BORCS8: variants seen among roughly 807,000 people sequenced by gnomAD.
BORCS8 encodes BLOC-1 related complex subunit 8.
BORCS8 carries 13 observed loss-of-function variants against 18.7 expected under a neutral mutation model. That is an observed-to-expected ratio of 0.70 (90% CI 0.45 to 1.11). BORCS8 has a LOEUF of 1.11. Ranked by LOEUF, BORCS8 falls within the 50% of genes least tolerant of loss-of-function variation. BORCS8 has a pLI of 0.00. For missense variants in BORCS8, 165 were observed against 165.7 expected, an observed-to-expected ratio of 1.00 and a Z score of 0.02; for synonymous variants, 68 against 64.8, an observed-to-expected ratio of 1.05 and a Z score of -0.24.
intron 3 of BORCS8, among the ~76,000 whole-genome samples, chr19:19,184,490 G>C (rs1363722362): frequency 2.6e-5 from 4 of 151,916 alleles, no homozygotes; most frequent in Non-Finnish European, 5.9e-5. Context: ...TTTTAGTAAA[G>C]ACGCGGTTTC....
At chr19:19,185,528 A>G (rs901647163) in intron 3 of BORCS8, among the ~76,000 whole-genome samples, 1 of 152,196 alleles carries the variant, frequency 6.6e-6, no homozygotes, top group Admixed American at 6.5e-5. Flanking sequence ...TCTGCTAAAA[A>G]TACAAAAATT....
chr19:19,189,484 G>A (rs781208534), intron 1 of BORCS8, among the ~76,000 whole-genome samples: 29 of 152,082 alleles, frequency 1.9e-4, no homozygotes, highest in Non-Finnish European at 3.4e-4. Context: ...AATAAAATCC[G>A]CCTTTCTTGC....
In BORCS8 at chr19:19,182,717, G is replaced by A. The variant is rs368142902; in HGVS notation, c.216-34C>T. 333 of 1,534,264 alleles carry A rather than the reference G, an allele frequency of 2.2e-4. 2 individuals carry two copies. The highest frequency in any genetic ancestry group is 1.3e-3 in the South Asian group (106 of 82,772). ...GGAGGACAGGCCTGGTCAGCGCTCC[G>A]GACCTGCAGGTAACTGTCCCACACC... On this transcript the variant is annotated intron_variant, in intron 3 of 5. Transcript: ENST00000462790. The surrounding 1 kb of genome is among the most constrained non-coding windows in gnomAD (Gnocchi z 4.1).
At chr19:19,192,002 C>T (rs756224003) in intron 1 of BORCS8, 79 bp downstream of exon 1, 71 of 1,518,518 alleles carry the variant, frequency 4.7e-5, no homozygotes, top group Non-Finnish European at 5.8e-5. Flanking sequence ...CTCGCACGGT[C>T]CCTCCGCGCC....
At chr19:19,179,391 A>G (rs1026842087) in intron 5 of BORCS8, 24 of 152,714 alleles carry the variant, frequency 1.6e-4, no homozygotes, top group African/African-American at 5.8e-4. Context: ...ATCAACTGCC[A>G]GAGGTACTCA....
chr19:19,178,996 G>A (rs538112879), intron 5 of BORCS8: 2 of 152,216 alleles, frequency 1.3e-5, no homozygotes, highest in African/African-American at 4.8e-5. Context: ...AAGCCTCTGA[G>A]ATGCGGCATG....
At position 19,182,733 on chromosome 19, in the gene BORCS8, G is replaced by C. The variant is rs537190424; in HGVS notation, c.216-50C>G. On this transcript the variant is annotated intron_variant, in intron 3 of 5. Coordinates refer to ENST00000462790, the MANE Select transcript of BORCS8 (RefSeq NM_001145784.2). This position sits in a 1 kb window ranked among gnomAD's most constrained non-coding sequence, Gnocchi z 4.1. ...CAGCGCTCCGGACCTGCAGGTAACT[G>C]TCCCACACCCCAGCACTTGAGGTCA... The C allele has an allele frequency of 2.1e-5, 32 of 1,514,614 alleles. No homozygotes were observed. The highest frequency in any genetic ancestry group is 2.0e-4 in the South Asian group (16 of 81,066). 93.8% of individuals were successfully genotyped at this position (1,514,614 alleles called of 1,614,324 possible).
chr19:19,177,718 G>GAAAAGAAAAGAAAAGAA (rs2060312700), intron 5 of BORCS8: 1 of 159,572 alleles, frequency 6.3e-6, no homozygotes, highest in African/African-American at 2.9e-5. Context: ...GAAAAGAAAA[G>GAAAAGAAAAGAAAAGAA]AAAAGAAAAG....
intron 3 of BORCS8, among the ~76,000 whole-genome samples, chr19:19,183,405 G>A (rs1398427887): frequency 1.2e-4 from 16 of 137,458 alleles, no homozygotes; most frequent in African/African-American, 3.3e-4. Flanking sequence ...GCGAGACTCC[G>A]TCTCAAAAAA....
At chr19:19,177,691 AG>A (rs747411827) in intron 5 of BORCS8, 836 of 58,752 alleles carry the variant, frequency 0.014, 45 homozygotes, top group East Asian at 0.058. Context: ...GAAGGAAGGA[AG>A]GAAGAGAAAA....
In BORCS8 at chr19:19,182,552, G is replaced by T; in HGVS notation, c.326+21C>A. 3 of 1,547,028 alleles carry T rather than the reference G, an allele frequency of 1.9e-6. No homozygotes were observed. The highest frequency in any genetic ancestry group is 2.6e-6 in the Non-Finnish European group (3 of 1,145,600). On this transcript the variant is annotated intron_variant, in intron 4 of 5. Coordinates refer to ENST00000462790, the MANE Select transcript of BORCS8 (RefSeq NM_001145784.2). This position sits in a 1 kb window ranked among gnomAD's most constrained non-coding sequence, Gnocchi z 4.1. Reference sequence around the variant, plus strand: ...CTTGCAGCTGGGAGTGGCAGTGGGGGCGGGCGGTCCCAGGAGCTACCTGTG... The same window carrying T: ...CTTGCAGCTGGGAGTGGCAGTGGGGTCGGGCGGTCCCAGGAGCTACCTGTG...
chr19:19,181,222 G>A (rs1024265621), intron 4 of BORCS8, among the ~76,000 whole-genome samples: 3 of 146,442 alleles, frequency 2.0e-5, no homozygotes, highest in Non-Finnish European at 4.5e-5. Context: ...ACAAATGGCT[G>A]GGCCCAGTGG....
chr19:19,183,283 G>A (rs905662996), intron 3 of BORCS8, among the ~76,000 whole-genome samples: 32 of 151,864 alleles, frequency 2.1e-4, no homozygotes, highest in African/African-American at 7.3e-4. Context: ...GGTGGCGGCC[G>A]CCTGTAGTCC....
At position 19,182,239 on chromosome 19, in the gene BORCS8, G is replaced by T. The variant is rs1207867817; in HGVS notation, c.326+334C>A. 4.7e-6 allele frequency: 2 copies of T among 425,240 alleles called. No individual in the cohort carries two copies. Among genetic ancestry groups the T allele is most frequent in the Non-Finnish European group, 6.6e-6 (2 of 301,602 alleles). The allele number at this position is 425,240 out of a possible 1,614,324, so 26.3% of individuals were successfully genotyped here. The stretch of plus-strand genomic sequence containing the variant: ...GTAACTCATGCCACCTCCTAGGAGG[G>T]GCCCCGCAGTGTTCTTCACAGCGCA... On this transcript the variant is annotated intron_variant, in intron 4 of 5. Transcript: ENST00000462790. This position sits in a 1 kb window ranked among gnomAD's most constrained non-coding sequence, Gnocchi z 4.1.
intron 1 of BORCS8, among the ~76,000 whole-genome samples, chr19:19,188,724 G>T (rs1278198323): frequency 6.6e-6 from 1 of 152,124 alleles, no homozygotes; most frequent in Non-Finnish European, 1.5e-5. Flanking sequence ...TGCAGGCCCA[G>T]GATGAGGCCT....
intron 1 of BORCS8, among the ~76,000 whole-genome samples, chr19:19,191,572 G>A (rs914019604): frequency 6.6e-6 from 1 of 151,406 alleles, no homozygotes; most frequent in African/African-American, 2.4e-5. Context: ...ACAAATATCA[G>A]GTTGTTGAGT....
At chr19:19,181,521 CA>C (rs940137216) in intron 4 of BORCS8, among the ~76,000 whole-genome samples, 4 of 152,126 alleles carry the variant, frequency 2.6e-5, no homozygotes, top group Non-Finnish European at 5.9e-5. Context: ...ACAGCAGGCA[CA>C]AACAGGGCAT....
chr19:19,177,718 G>GAA (rs1205330574), intron 5 of BORCS8: 1 of 159,572 alleles, frequency 6.3e-6, no homozygotes, highest in African/African-American at 2.9e-5. Flanking sequence ...GAAAAGAAAA[G>GAA]AAAAGAAAAG....
At chr19:19,181,048 A>G (rs942538578) in intron 4 of BORCS8, among the ~76,000 whole-genome samples, 1 of 151,946 alleles carries the variant, frequency 6.6e-6, no homozygotes, top group African/African-American at 2.4e-5. Context: ...TACAAAAATT[A>G]GCCAGGTGTG....
Sources: gnomAD v4.1 joint callset for allele counts (sites outside exome capture counted in the v4.1 genomes callset) on GRCh38, gnomAD v4.1.1 for gene constraint, Gnocchi (gnomAD v3.1) non-coding constraint, MANE v1.5 for transcripts, NCBI Gene and HGNC (gene_info 2026-07-23, HGNC 2026-07-21) for gene names.